Variants in TMPRSS11E observed in about 807,000 individuals in gnomAD.
TMPRSS11E encodes transmembrane protease serine 11E.
Under a neutral mutation model 48.1 loss-of-function variants are expected in TMPRSS11E, and 38 were observed. The ratio of observed to expected loss-of-function variants is 0.79; its 90% CI spans 0.61 to 1.04. TMPRSS11E has a LOEUF of 1.04. Ranked by LOEUF, TMPRSS11E falls within the 50% of genes least tolerant of loss-of-function variation. TMPRSS11E has a pLI of 0.00. For synonymous variants in TMPRSS11E, 158 were observed against 171.9 expected (o/e 0.92, Z 0.63); for missense variants, 530 against 510.8 (o/e 1.04, Z -0.36).
chr4:68,484,119 G>A (rs1216448162), intron 9 of TMPRSS11E, among the ~76,000 whole-genome samples: 1 of 152,046 alleles, frequency 6.6e-6, no homozygotes, highest in Non-Finnish European at 1.5e-5. Context: ...GGCTATTAAG[G>A]CTCTTTTTTG....
chr4:68,488,333 T>A (rs536254831), intron 9 of TMPRSS11E, among the ~76,000 whole-genome samples: 1 of 152,286 alleles, frequency 6.6e-6, no homozygotes, highest in African/African-American at 2.4e-5. Flanking sequence ...AATTCCATAT[T>A]TCTTGGAGAT....
intron 1 of TMPRSS11E, among the ~76,000 whole-genome samples, chr4:68,458,615 TC>T: frequency 6.6e-6 from 1 of 152,288 alleles, no homozygotes; most frequent in East Asian, 1.9e-4. Context: ...ATAAATTTAT[TC>T]CTTCACTTTA....
intron 6 of TMPRSS11E, 21 bp downstream of exon 6, chr4:68,474,782 A>C (rs2603187): frequency 6.3e-7 from 1 of 1,582,740 alleles, no homozygotes; most frequent in Non-Finnish European, 8.6e-7. Context: ...TATATTTATT[A>C]AAATAGCATT....
chr4:68,479,040 T>C, intron 9 of TMPRSS11E, 49 bp downstream of exon 9: 2 of 1,600,304 alleles, frequency 1.2e-6, no homozygotes, highest in Non-Finnish European at 1.7e-6. Context: ...TGTTTACTTT[T>C]CTTTGAAATA....
chr4:68,451,550 C>A (rs914840367), intron 1 of TMPRSS11E, among the ~76,000 whole-genome samples: 2 of 151,938 alleles, frequency 1.3e-5, no homozygotes, highest in African/African-American at 2.4e-5. Flanking sequence ...TATTTTGCAA[C>A]CTTTTATCTG....
intron 1 of TMPRSS11E, among the ~76,000 whole-genome samples, chr4:68,461,283 G>A (rs1728783492): frequency 6.6e-6 from 1 of 152,160 alleles, no homozygotes. Context: ...TCAAAGTTTG[G>A]TTTGGAAATA....
chr4:68,474,279 G>C (rs746471215), intron 5 of TMPRSS11E, among the ~76,000 whole-genome samples: 7 of 152,022 alleles, frequency 4.6e-5, no homozygotes, highest in Non-Finnish European at 7.4e-5. Flanking sequence ...TATACAAATG[G>C]GACTAGGCTT....
At chr4:68,481,036 A>G (rs1186582525) in intron 9 of TMPRSS11E, among the ~76,000 whole-genome samples, 2 of 152,178 alleles carry the variant, frequency 1.3e-5, no homozygotes, top group African/African-American at 2.4e-5. Context: ...GCTTCCACTT[A>G]TAAGTGAGAA....
At chr4:68,486,660 C>T (rs150252257) in intron 9 of TMPRSS11E, among the ~76,000 whole-genome samples, 2 of 152,248 alleles carry the variant, frequency 1.3e-5, no homozygotes, top group African/African-American at 4.8e-5. Flanking sequence ...TTCATTTGGT[C>T]AAGTGTTGAG....
At position 68,477,518 on chromosome 4, in the gene TMPRSS11E, C is replaced by T. The variant is rs1373196152; in HGVS notation, c.857C>T (p.Pro286Leu). ...ATTTCTCTTGCAGAGCTTTCTAGCC[C>T]TGTTCCCTACACAAATGCAGTACAT... The part of the protein sequence containing the change: ...YDISLAELSS[P>L]VPYTNAVHRV... Residue 286 changes from proline to leucine, a missense_variant, in exon 8 of 10, where the codon CCT becomes CTT. Coordinates refer to ENST00000305363, the MANE Select transcript of TMPRSS11E (RefSeq NM_014058.4). 6.2e-7 allele frequency: 1 copy of T among 1,613,916 alleles called. No individual in the cohort carries two copies. The highest frequency in any genetic ancestry group is 8.5e-7 in the Non-Finnish European group (1 of 1,179,984).
At chr4:68,476,752 C>T (rs772541012) in intron 7 of TMPRSS11E, among the ~76,000 whole-genome samples, 10 of 152,028 alleles carry the variant, frequency 6.6e-5, no homozygotes, top group Non-Finnish European at 1.0e-4. Context: ...CTGCTGAGTA[C>T]CTTAATCAGA....
At chr4:68,477,778 A>T in intron 8 of TMPRSS11E, 150 bp downstream of exon 8, 1 of 983,056 alleles carries the variant, frequency 1.0e-6, no homozygotes, top group Non-Finnish European at 1.5e-6. Context: ...ATAACTTGGA[A>T]GGCACAAAAA....
Position 68,478,963 on chromosome 4 carries a change from C to A in TMPRSS11E, c.1082C>A (p.Ser361Tyr), listed in dbSNP as rs1359566418. The change falls in exon 9 of 10, where the codon TCC becomes TAC. Residue 361 changes from serine to tyrosine, a missense_variant. By Grantham distance (144) the Ser-to-Tyr change is moderately radical. Transcript: ENST00000305363. ...AITPRMLCAG[S>Y]LEGKTDACQG... ...ACTCCTAGAATGTTATGTGCTGGCT[C>A]CTTAGAAGGAAAAACAGATGCATGC... 45 of 1,613,746 alleles carry A rather than the reference C, an allele frequency of 2.8e-5. No individual in the cohort carries two copies. The highest frequency in any genetic ancestry group is 3.7e-5 in the Non-Finnish European group (44 of 1,179,938).
intron 5 of TMPRSS11E, among the ~76,000 whole-genome samples, chr4:68,473,877 G>A (rs189964187): frequency 8.5e-5 from 13 of 152,144 alleles, no homozygotes; most frequent in Admixed American, 2.6e-4. Flanking sequence ...TTCCCCACAA[G>A]TAGCCAGAAT....
rs1056344203 is a variant in TMPRSS11E at position 68,466,272 on chromosome 4, G to A, written c.137-359G>A. Reference sequence around the variant, plus strand: ...TATAAAAATGCAGTGACCCTTGGGAGGCTTCTGAATCCATCCCTGTTTGTA... The same window carrying A: ...TATAAAAATGCAGTGACCCTTGGGAAGCTTCTGAATCCATCCCTGTTTGTA... On this transcript the variant is annotated intron_variant, in intron 2 of 9. Coordinates refer to ENST00000305363, the MANE Select transcript of TMPRSS11E (RefSeq NM_014058.4). Among the ~76,000 whole-genome samples, 3 of 152,158 alleles carry A rather than the reference G, an allele frequency of 2.0e-5. 1 individual carries two copies. The highest frequency in any genetic ancestry group is 4.4e-5 in the Non-Finnish European group (3 of 68,034).
chr4:68,447,579 CAGTATGAGCCACACCAAGGAATG>C, intron 1 of TMPRSS11E, 56 bp downstream of exon 1: 1 of 1,443,752 alleles, frequency 6.9e-7, no homozygotes, highest in Non-Finnish European at 9.7e-7. Context: ...TAGTTTAAAA[CAGTATGAGCCACACCAAGGAATG>C]TGTAGATCTA....
In TMPRSS11E at chr4:68,487,906, G is replaced by A. The variant is rs1434963752; in HGVS notation, c.1111-8737G>A. On this transcript the variant is annotated intron_variant, in intron 9 of 9. Transcript: ENST00000305363. Reference sequence around the variant, plus strand: ...CAGTGAGCTGAGATCATATCATTGCGCTCCAGCCTGGGTGACAAGGGTGAG... The same window carrying A: ...CAGTGAGCTGAGATCATATCATTGCACTCCAGCCTGGGTGACAAGGGTGAG... Among the ~76,000 whole-genome samples, 4 of 132,696 alleles carry A rather than the reference G, an allele frequency of 3.0e-5. No homozygotes were observed. The East Asian group carries it at 7.1e-4, about 24-fold the overall frequency. The allele number at this position is 132,696 out of a possible 152,430, so 87.1% of individuals were successfully genotyped here.
chr4:68,491,855 T>A (rs959510), intron 9 of TMPRSS11E, among the ~76,000 whole-genome samples: 76,381 of 151,776 alleles, frequency 0.5, 21,500 homozygotes, highest in Non-Finnish European at 0.65. Context: ...ATTCCTTTCA[T>A]GCTTTCGCAT....
rs1378302394 is a variant in TMPRSS11E, at chr4:68,476,343, C to T, written c.612C>T (p.Pro204=). ...GGTEVEEGEW[P]WQASLQWDGS... Reference sequence around the variant, plus strand: ...CAGAAGTAGAAGAGGGTGAATGGCCCTGGCAGGCTAGCCTGCAGTGGGATG... The same window carrying T: ...CAGAAGTAGAAGAGGGTGAATGGCCTTGGCAGGCTAGCCTGCAGTGGGATG... Residue 204 remains proline, a synonymous_variant, in exon 7 of 10, where the codon CCC becomes CCT. Coordinates refer to ENST00000305363, the MANE Select transcript of TMPRSS11E (RefSeq NM_014058.4). 4 of 1,614,154 alleles carry T rather than the reference C, an allele frequency of 2.5e-6. No homozygotes were observed. The highest frequency in any genetic ancestry group is 3.3e-5 in the Admixed American group (2 of 60,016).
Sources: allele counts gnomAD v4.1 joint callset (sites outside exome capture counted in the v4.1 genomes callset), GRCh38; gene constraint gnomAD v4.1.1; transcripts MANE v1.5; gene names NCBI Gene and HGNC (gene_info 2026-07-23, HGNC 2026-07-21).